Variants in TAF6 observed in about 807,000 individuals in gnomAD.
TAF6 encodes the protein TATA-box binding protein associated factor 6.
In TAF6, 50 loss-of-function variants were observed where a neutral mutation model predicts 73.5. That is an observed-to-expected ratio of 0.68 (90% CI 0.54 to 0.86). The LOEUF is 0.86. Ranked by LOEUF, TAF6 falls within the 40% of genes least tolerant of loss-of-function variation. The pLI is 0.00. For missense variants in TAF6, 768 were observed against 899.5 expected (o/e 0.85, Z 1.87); for synonymous variants, 424 against 376.7 (o/e 1.13, Z -1.45).
upstream of TAF6, chr7:100,124,474 C>A: frequency 6.6e-7 from 1 of 1,504,292 alleles, no homozygotes; most frequent in Non-Finnish European, 9.2e-7. Context: ...TCCCAAATCC[C>A]TCCAGAGCAG....
chr7:100,114,233 TG>T lies in TAF6; in HGVS notation c.-25del, dbSNP rs1797482507. On this transcript the variant is annotated 5_prime_UTR_variant, in exon 2 of 15. Coordinates refer to ENST00000453269, the MANE Select transcript of TAF6 (RefSeq NM_139315.3). ...ATTCTGGAGTCCCTCTTCTCCTCCC[TG>T]GAAGGATGAAGCCCCCGGTGGAGAG... 5 of 1,613,556 alleles carry T rather than the reference TG, an allele frequency of 3.1e-6. No homozygotes were observed. In the South Asian group the frequency reaches 4.4e-5, roughly 14 times the overall value.
chr7:100,113,653 G>A lies in TAF6; in HGVS notation c.360C>T (p.Thr120=), dbSNP rs573502340. The A allele has an allele frequency of 2.5e-6, 4 of 1,614,068 alleles. No homozygotes were observed. The African/African-American group carries it at 4.0e-5, about 16-fold the overall frequency. The change falls in exon 4 of 15, where the codon ACC becomes ACT. Residue 120 remains threonine (T), a synonymous_variant. Transcript: ENST00000453269. ...CGTCCAGGGGCACCCGGGGCAGAGG[G>A]GTATTGATGATGTCGCTCAGATCAA... ...KEVDLSDIIN[T]PLPRVPLDVC... is the part of the protein sequence containing the mutation.
Position 100,119,284 on chromosome 7 carries a change from C to G in TAF6, c.-140G>C. On this transcript the variant is annotated 5_prime_UTR_variant, in exon 1 of 15. Coordinates refer to ENST00000453269, the MANE Select transcript of TAF6 (RefSeq NM_139315.3). Reference sequence around the variant, plus strand: ...CTCAGACCCGCCCCCGCCACCCGAGCGCGGGGAGCAGGAAAACTCTAGCGG... The same window carrying G: ...CTCAGACCCGCCCCCGCCACCCGAGGGCGGGGAGCAGGAAAACTCTAGCGG... The G allele has an allele frequency of 9.8e-7, 1 of 1,020,904 alleles. No individual in the cohort carries two copies. 63.2% of individuals were successfully genotyped at this position (1,020,904 alleles called of 1,614,324 possible). A position where few individuals can be genotyped will look rare whatever the true frequency, so the allele number is the denominator to read the frequency against.
chr7:100,108,958 G>A (rs1309511827), intron 12 of TAF6: 2 of 156,142 alleles, frequency 1.3e-5, no homozygotes, highest in Non-Finnish European at 2.8e-5. Context: ...AGGTGGTGGA[G>A]GCTGCAGTGA....
chr7:100,108,896 C>A, intron 12 of TAF6: 1 of 179,674 alleles, frequency 5.6e-6, no homozygotes, highest in Non-Finnish European at 1.2e-5. Flanking sequence ...TGGTGGCACG[C>A]ACCTGTAGTC....
upstream of TAF6, chr7:100,122,294 C>T: frequency 6.2e-7 from 1 of 1,613,920 alleles, no homozygotes. Flanking sequence ...ACAGGCGGAA[C>T]TGAGTCGCAC....
Position 100,117,367 on chromosome 7 carries a change from A to G in TAF6, c.-60+1837T>C, listed in dbSNP as rs191165084. ...GCTCACTGCAACCTCCGCCTCCCAG[A>G]TTCAAGCAATTCTCCTGTCTCAGCC... On this transcript the variant is annotated intron_variant, in intron 1 of 14. Transcript: ENST00000453269. 4.3e-3 allele frequency among the ~76,000 whole-genome samples: 630 copies of G among 147,780 alleles called. 5 individuals are homozygous for G. Among genetic ancestry groups the G allele is most frequent in the African/African-American group, 0.015 (615 of 40,006 alleles).
intron 1 of TAF6, chr7:100,114,668 C>A: frequency 3.2e-6 from 1 of 314,420 alleles, no homozygotes; most frequent in Non-Finnish European, 5.9e-6. Context: ...TGCAGTGAGC[C>A]GAGATCACGC....
At chr7:100,125,763 G>C in the TAF6 span, among the ~76,000 whole-genome samples, 1 of 152,204 alleles carries the variant, frequency 6.6e-6, no homozygotes, top group African/African-American at 2.4e-5. Context: ...CAGCCTGGAG[G>C]CTGGGCGCAG....
chr7:100,112,708 C>G (rs1175110772), intron 6 of TAF6, 90 bp downstream of exon 6: 3 of 1,479,656 alleles, frequency 2.0e-6, no homozygotes, highest in African/African-American at 1.4e-5. Flanking sequence ...GAGTGAGACT[C>G]TGTCTCAAAA....
chr7:100,114,181 C>T lies in TAF6; in HGVS notation c.29G>A (p.Ser10Asn). The T allele has an allele frequency of 2.5e-6, 4 of 1,614,250 alleles. No homozygotes were observed. The highest frequency in any genetic ancestry group is 3.4e-6 in the Non-Finnish European group (4 of 1,180,052). The stretch of plus-strand genomic sequence containing the variant: ...GGACTCCGAGGGCAGCACAGTGTTG[C>T]TAAGCTTCAGCTTCTTCTCCTCAGC... MAEEKKLKL[S>N]NTVLPSESMK... The change falls in exon 2 of 15, where the codon AGC becomes AAC. Residue 10 changes from serine (S) to asparagine (N), a missense_variant. Ser to Asn is a conservative substitution (Grantham distance 46). Around this residue, in one of 5 missense-constraint regions of TAF6, gnomAD observed 269 missense variants for 268.0 expected, o/e 1.00. Coordinates refer to ENST00000453269, the MANE Select transcript of TAF6 (RefSeq NM_139315.3).
At position 100,110,186 on chromosome 7, in the gene TAF6, C is replaced by T. The variant is rs4134918; in HGVS notation, c.1158+14G>A. The T allele has an allele frequency of 3.4e-3, 5,557 of 1,614,140 alleles. 25 individuals are homozygous for T. Among genetic ancestry groups the T allele is most frequent in the Non-Finnish European group, 4.4e-3 (5,198 of 1,180,036 alleles). The stretch of plus-strand genomic sequence containing the variant: ...TGTGTCCCCTCCCCCATTTCTTCCT[C>T]CCAGAGGCCTAACATCGTGTCCCAG... On this transcript the variant is annotated intron_variant, in intron 11 of 14. Transcript: ENST00000453269.
chr7:100,119,966 G>A, upstream of TAF6: 1 of 1,035,582 alleles, frequency 9.7e-7, no homozygotes, highest in Non-Finnish European at 1.4e-6. Context: ...CCTCCTTGAA[G>A]GCTTGAGGGA....
upstream of TAF6, chr7:100,122,939 G>A (rs1798113563): frequency 6.3e-7 from 1 of 1,586,596 alleles, no homozygotes; most frequent in Non-Finnish European, 8.6e-7. Context: ...CCAGGGAGGT[G>A]AGAAGGGAAC....
chr7:100,124,281 C>T (rs1015992294), upstream of TAF6, among the ~76,000 whole-genome samples: 2 of 151,402 alleles, frequency 1.3e-5, no homozygotes, highest in African/African-American at 4.9e-5. Context: ...GTGCAATTAC[C>T]ATACATATTT....
upstream of TAF6, chr7:100,119,849 C>T: frequency 1.2e-6 from 2 of 1,612,118 alleles, no homozygotes; most frequent in Non-Finnish European, 1.7e-6. Context: ...AACGCTTGCC[C>T]AGCAAATGCG....
upstream of TAF6, chr7:100,123,037 T>C (rs1798115365): frequency 1.9e-6 from 2 of 1,030,846 alleles, no homozygotes; most frequent in Non-Finnish European, 2.7e-6. Flanking sequence ...GACTGTGCCA[T>C]TGATTAAAGT....
upstream of TAF6, chr7:100,122,107 A>C: frequency 1.3e-6 from 1 of 797,364 alleles, no homozygotes; most frequent in Non-Finnish European, 1.9e-6. Context: ...AGATTGCCAC[A>C]CAGCTGCTAA....
upstream of TAF6, chr7:100,122,266 G>A (rs1283872138): frequency 1.2e-6 from 2 of 1,609,666 alleles, no homozygotes; most frequent in East Asian, 2.2e-5. Flanking sequence ...CAGTGTGTAA[G>A]CTGCTGAGCA....
Sources: allele counts gnomAD v4.1 joint callset (sites outside exome capture counted in the v4.1 genomes callset), GRCh38; gene constraint gnomAD v4.1.1; regional missense constraint gnomAD v4.1.1; transcripts MANE v1.5; gene names NCBI Gene and HGNC (gene_info 2026-07-23, HGNC 2026-07-21).